LRRK1: variants seen among roughly 807,000 people sequenced by gnomAD.
LRRK1 encodes the protein leucine-rich repeat serine/threonine-protein kinase 1.
In LRRK1, 113 loss-of-function variants were observed where a neutral mutation model predicts 209.1. That is an observed-to-expected ratio of 0.54 (90% CI 0.46 to 0.63). LRRK1 has a LOEUF of 0.63. Ranked by LOEUF, LRRK1 falls within the 30% of genes least tolerant of loss-of-function variation. The pLI is 0.00. For synonymous variants in LRRK1, 1,144 were observed against 1,099.7 expected (o/e 1.04, Z -0.80); for missense variants, 2,284 against 2,632.2 (o/e 0.87, Z 2.89).
chr15:100,959,857 C>G (rs147068150), intron 2 of LRRK1, among the ~76,000 whole-genome samples: 1 of 152,106 alleles, frequency 6.6e-6, no homozygotes, highest in Non-Finnish European at 1.5e-5. Context: ...TCAGTTCTTC[C>G]TGTAACTGCG....
chr15:100,920,529 C>T (rs2042002031), intron 1 of LRRK1, among the ~76,000 whole-genome samples: 1 of 152,202 alleles, frequency 6.6e-6, no homozygotes, highest in African/African-American at 2.4e-5. Flanking sequence ...ACCTTTCCCT[C>T]TCCCAAAAGT....
At position 101,070,336 on chromosome 15, in the gene LRRK1, C is replaced by T; in HGVS notation, c.*1488C>T. On this transcript the variant is annotated 3_prime_UTR_variant, in exon 34 of 34. Coordinates refer to ENST00000388948, the MANE Select transcript of LRRK1 (RefSeq NM_024652.6). ...TTTTTTTTTTTTTTTTTTTTTTTTA[C>T]CAACCTGGGCACCAAGTCCCAGGGG... 2.1e-5 allele frequency: 2 copies of T among 95,414 alleles called. No individual in the cohort carries two copies. Among genetic ancestry groups the T allele is most frequent in the South Asian group, 3.5e-4 (1 of 2,898 alleles). The allele number at this position is 95,414 out of a possible 1,614,324, so 5.9% of individuals were successfully genotyped here.
At chr15:100,973,777 C>T in intron 2 of LRRK1, 27 bp from the exon 3 acceptor site, 3 of 1,267,344 alleles carry the variant, frequency 2.4e-6, no homozygotes, top group Non-Finnish European at 3.0e-6. Flanking sequence ...GCGGTGACGC[C>T]GTGTGTGTGT....
rs543848244 is a variant in LRRK1 at position 101,069,117 on chromosome 15, G to A, written c.*269G>A. On this transcript the variant is annotated 3_prime_UTR_variant, in exon 34 of 34. Coordinates refer to ENST00000388948, the MANE Select transcript of LRRK1 (RefSeq NM_024652.6). ...AAGACAGTGGTATCAGGCTGGGAGCGGCCTCCTCTGGCCTCCCCCATCAGT... is the reference window on the plus strand; with the variant it reads ...AAGACAGTGGTATCAGGCTGGGAGCAGCCTCCTCTGGCCTCCCCCATCAGT... 18 of 312,534 alleles carry A rather than the reference G, an allele frequency of 5.8e-5. No homozygotes were observed. Among genetic ancestry groups the A allele is most frequent in the South Asian group, 5.4e-4 (7 of 12,912 alleles). 19.4% of individuals were successfully genotyped at this position (312,534 alleles called of 1,614,324 possible). A position where few individuals can be genotyped will look rare whatever the true frequency, so the allele number is the denominator to read the frequency against.
In LRRK1 at chr15:100,983,442, G is replaced by A. The variant is rs111955263; in HGVS notation, c.262-86G>A. On this transcript the variant is annotated intron_variant, in intron 3 of 33. Transcript: ENST00000388948. ...GACAACACAACTCCAGTCCTGCTCC[G>A]GGACCTGGTGAAGGGTTTAACGTCA... 2,933 of 1,301,000 alleles carry A rather than the reference G, an allele frequency of 2.3e-3. 18 individuals are homozygous for A. The highest frequency in any genetic ancestry group is 0.016 in the African/African-American group (1,060 of 68,108). The allele number at this position is 1,301,000 out of a possible 1,614,324, so 80.6% of individuals were successfully genotyped here. A position where few individuals can be genotyped will look rare whatever the true frequency, so the allele number is the denominator to read the frequency against.
intron 12 of LRRK1, among the ~76,000 whole-genome samples, chr15:101,020,558 TAG>T (rs896139376): frequency 1.3e-5 from 2 of 151,974 alleles, no homozygotes; most frequent in Admixed American, 6.6e-5. Context: ...GTATCTTTAG[TAG>T]AGACAGGGTT....
At chr15:101,067,289 C>T (rs767148945) in intron 33 of LRRK1, 14 of 456,092 alleles carry the variant, frequency 3.1e-5, no homozygotes, top group South Asian at 1.4e-4. Flanking sequence ...GTGGCCTGTC[C>T]GGGACATGGT....
intron 2 of LRRK1, among the ~76,000 whole-genome samples, chr15:100,962,009 CTCCA>C (rs1449931215): frequency 2.0e-5 from 3 of 152,178 alleles, no homozygotes; most frequent in Admixed American, 2.0e-4. Flanking sequence ...CTTCCTTGCT[CTCCA>C]TCCTTTTTTC....
At chr15:100,957,739 T>A (rs1011242546) in intron 2 of LRRK1, among the ~76,000 whole-genome samples, 1 of 152,270 alleles carries the variant, frequency 6.6e-6, no homozygotes, top group Non-Finnish European at 1.5e-5. Context: ...TTGGATTTTT[T>A]AATCTATTCA....
intron 12 of LRRK1, among the ~76,000 whole-genome samples, chr15:101,020,293 G>A (rs1049267367): frequency 6.6e-6 from 1 of 151,360 alleles, no homozygotes; most frequent in Non-Finnish European, 1.5e-5. Flanking sequence ...CATATACATG[G>A]TATGCGTGTG....
chr15:101,058,060 G>C lies in LRRK1; in HGVS notation c.4598G>C (p.Cys1533Ser). Residue 1533 changes from cysteine to serine, a missense_variant, in exon 29 of 34, where the codon TGC becomes TCC. Transcript: ENST00000388948. ...PTFATFMYEL[C>S]CGKQTAFFSS... Reference sequence around the variant, plus strand: ...TTTGCCACCTTCATGTATGAACTGTGCTGTGGGAAGCAGACAGCCTTCTTC... The same window carrying C: ...TTTGCCACCTTCATGTATGAACTGTCCTGTGGGAAGCAGACAGCCTTCTTC... 1 of 1,614,190 alleles carries C rather than the reference G, an allele frequency of 6.2e-7. No individual in the cohort carries two copies. The highest frequency in any genetic ancestry group is 8.5e-7 in the Non-Finnish European group (1 of 1,180,024).
chr15:101,001,310 C>CTCA (rs560566283), intron 6 of LRRK1, among the ~76,000 whole-genome samples: 120 of 152,294 alleles, frequency 7.9e-4, no homozygotes, highest in African/African-American at 2.8e-3. Flanking sequence ...CACAGACGCT[C>CTCA]TCTGCAGCCA....
intron 2 of LRRK1, among the ~76,000 whole-genome samples, chr15:100,935,290 G>C (rs1045486855): frequency 2.6e-5 from 4 of 152,306 alleles, no homozygotes; most frequent in East Asian, 1.9e-4. Flanking sequence ...AAGGTGTCTG[G>C]GGGGAGGTGG....
intron 2 of LRRK1, among the ~76,000 whole-genome samples, chr15:100,926,304 G>A (rs540424581): frequency 6.6e-6 from 1 of 152,102 alleles, no homozygotes. Flanking sequence ...CGATTTGGGG[G>A]TAGCACCTCC....
intron 20 of LRRK1, among the ~76,000 whole-genome samples, chr15:101,031,844 C>T (rs2034298051): frequency 6.6e-6 from 1 of 152,056 alleles, no homozygotes; most frequent in South Asian, 2.1e-4. Flanking sequence ...TTGCCATTCT[C>T]CTGCCTCAGC....
At chr15:101,025,233 A>G (rs1195224397) in intron 16 of LRRK1, among the ~76,000 whole-genome samples, 1 of 152,200 alleles carries the variant, frequency 6.6e-6, no homozygotes, top group African/African-American at 2.4e-5. Flanking sequence ...CCTTCCTGTT[A>G]TAAAGATGTC....
chr15:100,960,009 G>A (rs1177348766), intron 2 of LRRK1, among the ~76,000 whole-genome samples: 1 of 152,094 alleles, frequency 6.6e-6, no homozygotes, highest in Non-Finnish European at 1.5e-5. Context: ...GTTAGCAAAT[G>A]TACTTTGTCA....
At position 101,065,647 on chromosome 15, in the gene LRRK1, C is replaced by T. The variant is rs939725500; in HGVS notation, c.5210C>T (p.Thr1737Met). The T allele has an allele frequency of 1.5e-5, 24 of 1,614,034 alleles. No homozygotes were observed. The East Asian group carries it at 1.6e-4, about 10-fold the overall frequency. The change falls in exon 32 of 34, where the codon ACG (threonine) becomes ATG (methionine). Residue 1737 changes from threonine (T) to methionine (M), a missense_variant. Physicochemically the swap from Thr to Met is moderately conservative, Grantham distance 81. Around this residue, in one of 6 missense-constraint regions of LRRK1, gnomAD observed 643 missense variants for 695.9 expected, o/e 0.92. Coordinates refer to ENST00000388948, the MANE Select transcript of LRRK1 (RefSeq NM_024652.6). ...LEPYMAPSMV[T>M]SVVCSSEGRG... ...CCCTACATGGCCCCCTCCATGGTTA[C>T]GTCAGTCGTGTGCAGCTCTGAGGGC...
rs1044772664 is a variant in LRRK1, at chr15:101,074,091, G to A, written c.*5243G>A. 2.0e-5 allele frequency: 3 copies of A among 152,140 alleles called. No individual in the cohort carries two copies. Among genetic ancestry groups the A allele is most frequent in the South Asian group, 2.1e-4 (1 of 4,824 alleles). The allele number at this position is 152,140 out of a possible 1,614,324, so 9.4% of individuals were successfully genotyped here. A position where few individuals can be genotyped will look rare whatever the true frequency, so the allele number is the denominator to read the frequency against. On this transcript the variant is annotated 3_prime_UTR_variant, in exon 34 of 34. Coordinates refer to ENST00000388948, the MANE Select transcript of LRRK1 (RefSeq NM_024652.6). ...AGTCCCTCCCTAGTCTCTGTTCCCA[G>A]TGCAACTCATCCCAAATCTTCCTTC...
Sources: gnomAD v4.1 joint callset for allele counts (sites outside exome capture counted in the v4.1 genomes callset) on GRCh38, gnomAD v4.1.1 for gene constraint, gnomAD v4.1.1 regional missense constraint, MANE v1.5 for transcripts, NCBI Gene and HGNC (gene_info 2026-07-23, HGNC 2026-07-21) for gene names.